ZSCAN4: variants seen among roughly 807,000 people sequenced by gnomAD.
ZSCAN4 encodes the protein zinc finger and SCAN domain-containing protein 4.
A neutral mutation model predicts 18.3 loss-of-function variants in ZSCAN4; 18 were observed. The observed-to-expected ratio is 0.98, with a 90% CI of 0.68 to 1.46. ZSCAN4 has a LOEUF of 1.46. Ranked by LOEUF, ZSCAN4 falls within the 40% of genes most tolerant of loss-of-function variation. The pLI, the probability that ZSCAN4 is intolerant of heterozygous loss-of-function variation, is 0.00. For missense variants in ZSCAN4, 498 were observed against 511.4 expected, an observed-to-expected ratio of 0.97 and a Z score of 0.25; for synonymous variants, 193 against 180.3, an observed-to-expected ratio of 1.07 and a Z score of -0.57.
chr19:57,662,752 G>A, the ZSCAN4 span, among the ~76,000 whole-genome samples: 1 of 152,048 alleles, frequency 6.6e-6, no homozygotes, highest in Non-Finnish European at 1.5e-5. Context: ...ATAGAGATGG[G>A]TTTCACCATG....
At chr19:57,665,638 G>A (rs181987245), upstream of ZSCAN4, among the ~76,000 whole-genome samples, 13 of 152,220 alleles carry the variant, frequency 8.5e-5, no homozygotes, top group East Asian at 2.5e-3. Context: ...ATTAATCCAA[G>A]GCCGGGCGCG....
At chr19:57,658,524 T>G in the ZSCAN4 span, among the ~76,000 whole-genome samples, 6 of 152,176 alleles carry the variant, frequency 3.9e-5, no homozygotes, top group Non-Finnish European at 7.3e-5. Context: ...ACCAAAAATA[T>G]TCACGGCTCA....
At chr19:57,660,356 C>T in the ZSCAN4 span, among the ~76,000 whole-genome samples, 1 of 152,144 alleles carries the variant, frequency 6.6e-6, no homozygotes, top group African/African-American at 2.4e-5. Context: ...AGTTAGATGA[C>T]AATGGTAAGC....
chr19:57,677,337 T>G (rs1243560379), intron 3 of ZSCAN4, among the ~76,000 whole-genome samples: 2 of 152,178 alleles, frequency 1.3e-5, no homozygotes, highest in Non-Finnish European at 2.9e-5. Flanking sequence ...CCAGGTGAGG[T>G]TGAACAAGGC....
intron 2 of ZSCAN4, among the ~76,000 whole-genome samples, chr19:57,671,534 C>T (rs1984023600): frequency 6.6e-6 from 1 of 151,684 alleles, no homozygotes; most frequent in Admixed American, 6.6e-5. Context: ...GACCAATGTC[C>T]CTGGATATAG....
In ZSCAN4 at chr19:57,678,044, AG is replaced by A. The variant is rs771036356; in HGVS notation, c.528del (p.Thr177LeufsTer7). 18 of 1,587,726 alleles carry A rather than the reference AG, an allele frequency of 1.1e-5. No homozygotes were observed. Among genetic ancestry groups the A allele is most frequent in the Non-Finnish European group, 1.5e-5 (17 of 1,170,116 alleles). On this transcript the variant is annotated frameshift_variant, in exon 4 of 5. Coordinates refer to ENST00000318203, the Ensembl canonical transcript of ZSCAN4. LOFTEE classifies it low-confidence loss of function (END_TRUNC). ...GAAGCAAACATGGGGACACCCTCCC[AG>A]ACTTCCCAAGATACTTCCTTAGAAA...
In ZSCAN4 at chr19:57,676,590, G is replaced by A. The variant is rs143154031; in HGVS notation, c.396+49G>A. The A allele has an allele frequency of 4.0e-3, 6,194 of 1,541,772 alleles. 16 individuals carry two copies. The highest frequency in any genetic ancestry group is 5.1e-3 in the Middle Eastern group (29 of 5,684). On this transcript the variant is annotated intron_variant, in intron 3 of 4. Transcript: ENST00000318203. ...GGGATGAGAGACAAAGGAAAGTAAG[G>A]AATAAATCACAGTCAGTTAGAGTTG...
chr19:57,657,377 T>G, the ZSCAN4 span, among the ~76,000 whole-genome samples: 1 of 151,398 alleles, frequency 6.6e-6, no homozygotes, highest in African/African-American at 2.4e-5. Flanking sequence ...TGAAAATAAG[T>G]TCAGAATTAT....
At chr19:57,673,910 C>T (rs1984100445) in intron 2 of ZSCAN4, among the ~76,000 whole-genome samples, 1 of 152,194 alleles carries the variant, frequency 6.6e-6, no homozygotes, top group Non-Finnish European at 1.5e-5. Flanking sequence ...TGCACCACCA[C>T]ATCTGGCTAA....
chr19:57,656,551 G>T, the ZSCAN4 span, among the ~76,000 whole-genome samples: 1 of 152,142 alleles, frequency 6.6e-6, no homozygotes, highest in African/African-American at 2.4e-5. Context: ...GACTTCCCCT[G>T]AAGGGGCTCT....
exon 5 of ZSCAN4, chr19:57,678,317 C>T: frequency 6.2e-7 from 1 of 1,614,158 alleles, no homozygotes; most frequent in Non-Finnish European, 8.5e-7. Context: ...TTTCTTCTGA[C>T]AACCCATACA....
upstream of ZSCAN4, among the ~76,000 whole-genome samples, chr19:57,666,574 CAAAAA>C (rs10553956): frequency 2.8e-5 from 4 of 141,218 alleles, no homozygotes; most frequent in Admixed American, 7.1e-5. Context: ...TATTTTTTCT[CAAAAA>C]AAAAAAAAAA....
At chr19:57,653,258 G>A in the ZSCAN4 span, among the ~76,000 whole-genome samples, 8 of 152,040 alleles carry the variant, frequency 5.3e-5, no homozygotes, top group East Asian at 9.6e-4. Context: ...ATGGTGGTAC[G>A]CCTCTGTAAT....
At chr19:57,656,682 A>G in the ZSCAN4 span, among the ~76,000 whole-genome samples, 1 of 152,270 alleles carries the variant, frequency 6.6e-6, no homozygotes, top group African/African-American at 2.4e-5. Context: ...AGCCTGGGAA[A>G]AATATTTGTG....
At chr19:57,660,243 A>T in the ZSCAN4 span, among the ~76,000 whole-genome samples, 16,117 of 144,972 alleles carry the variant, frequency 0.11, 1,145 homozygotes, top group Non-Finnish European at 0.16. Flanking sequence ...AACACGAAAG[A>T]GTTTATATAG....
chr19:57,666,792 A>G (rs1399095446), upstream of ZSCAN4, among the ~76,000 whole-genome samples: 7 of 152,152 alleles, frequency 4.6e-5, no homozygotes, highest in Admixed American at 2.6e-4. Context: ...CGGAAGTTGC[A>G]GTGAGCCAAG....
At chr19:57,677,424 T>A (rs1984219392) in intron 3 of ZSCAN4, among the ~76,000 whole-genome samples, 1 of 152,138 alleles carries the variant, frequency 6.6e-6, no homozygotes, top group Non-Finnish European at 1.5e-5. Context: ...GGCACATTTT[T>A]TTTTTTGCTT....
chr19:57,675,636 TTGGCA>T (rs1984158844), intron 2 of ZSCAN4, among the ~76,000 whole-genome samples: 1 of 152,198 alleles, frequency 6.6e-6, no homozygotes, highest in Non-Finnish European at 1.5e-5. Context: ...GGAATAAACA[TTGGCA>T]TTTAAACATT....
the ZSCAN4 span, among the ~76,000 whole-genome samples, chr19:57,658,599 C>T: frequency 6.6e-6 from 1 of 151,834 alleles, no homozygotes; most frequent in African/African-American, 2.4e-5. Context: ...TTTGGGAGGC[C>T]GAGGCAGGTA....
Sources: allele counts gnomAD v4.1 joint callset (sites outside exome capture counted in the v4.1 genomes callset), GRCh38; gene constraint gnomAD v4.1.1; transcripts MANE v1.5; gene names NCBI Gene and HGNC (gene_info 2026-07-23, HGNC 2026-07-21).